The following VEPH1 variants were observed in gnomAD, a reference collection of about 807,000 sequenced individuals.
VEPH1 encodes ventricular zone-expressed PH domain-containing protein homolog 1.
Under a neutral mutation model 85.2 loss-of-function variants are expected in VEPH1, and 80 were observed. That is an observed-to-expected ratio of 0.94 (90% CI 0.78 to 1.13). The LOEUF (loss-of-function observed/expected upper bound fraction) is 1.13, where lower values mean the gene tolerates loss of function less well. VEPH1 is among the 50% of genes most tolerant of loss of function. The probability of loss-of-function intolerance (pLI) is 0.00; values close to 1 mark genes in which losing one functional copy is unlikely to be tolerated. For synonymous variants in VEPH1, 297 were observed against 348.0 expected (o/e 0.85, Z 1.63); for missense variants, 955 against 980.5 (o/e 0.97, Z 0.35).
At chr3:157,349,669 A>G (rs1006376993) in intron 9 of VEPH1, among the ~76,000 whole-genome samples, 3 of 152,206 alleles carry the variant, frequency 2.0e-5, no homozygotes, top group African/African-American at 7.2e-5. Context: ...GAATTAATAA[A>G]TGAACTCAGT....
At chr3:157,428,515 A>T (rs367603206) in intron 4 of VEPH1, 27 bp from the exon 5 acceptor site, 1 of 1,604,466 alleles carries the variant, frequency 6.2e-7, no homozygotes, top group Non-Finnish European at 8.5e-7. Flanking sequence ...AAAGGGAATG[A>T]TGACTTTATC....
At chr3:157,282,314 T>G (rs968525489) in intron 12 of VEPH1, among the ~76,000 whole-genome samples, 1 of 151,194 alleles carries the variant, frequency 6.6e-6, no homozygotes, top group South Asian at 2.1e-4. Context: ...TAAGCAATCT[T>G]CCCGCCACTC....
At chr3:157,485,310 G>C (rs528427819) in intron 2 of VEPH1, among the ~76,000 whole-genome samples, 30 of 152,240 alleles carry the variant, frequency 2.0e-4, no homozygotes, top group African/African-American at 6.3e-4. Context: ...AATATGACAA[G>C]TTCCTGCACA....
chr3:157,281,087 CGT>C (rs141433345), intron 12 of VEPH1, among the ~76,000 whole-genome samples: 3 of 148,682 alleles, frequency 2.0e-5, no homozygotes, highest in African/African-American at 2.5e-5. Context: ...CATATGTGTG[CGT>C]GTGTGTGTGT....
intron 2 of VEPH1, among the ~76,000 whole-genome samples, chr3:157,474,268 A>T (rs1737236444): frequency 6.6e-6 from 1 of 152,094 alleles, no homozygotes; most frequent in South Asian, 2.1e-4. Context: ...ATGTAATTTA[A>T]CATAAAGATA....
At chr3:157,400,339 C>A (rs941189088) in intron 6 of VEPH1, among the ~76,000 whole-genome samples, 1 of 151,980 alleles carries the variant, frequency 6.6e-6, no homozygotes, top group Non-Finnish European at 1.5e-5. Context: ...GCATTTGGCA[C>A]AGAATGCTAA....
At chr3:157,394,884 C>T (rs1228010707) in intron 6 of VEPH1, among the ~76,000 whole-genome samples, 1 of 152,066 alleles carries the variant, frequency 6.6e-6, no homozygotes, top group Non-Finnish European at 1.5e-5. Context: ...ACCTATGAAT[C>T]CTACCTATGG....
At chr3:157,474,657 T>A (rs1737281545) in intron 2 of VEPH1, among the ~76,000 whole-genome samples, 1 of 152,204 alleles carries the variant, frequency 6.6e-6, no homozygotes. Flanking sequence ...TGGAGCTACA[T>A]GTAGACTTCA....
chr3:157,322,300 A>T (rs778455407), intron 9 of VEPH1, among the ~76,000 whole-genome samples: 1 of 152,120 alleles, frequency 6.6e-6, no homozygotes, highest in African/African-American at 2.4e-5. Context: ...TCATTTCTTT[A>T]TTAAAGCTGA....
At position 157,486,332 on chromosome 3, in the gene VEPH1, C is replaced by A. The variant is rs550900191; in HGVS notation, c.138+8880G>T. ...CCAACATGGTGAAACCCCGTCTATACTGAAAATACAAAAATTAGTCAGGTG... is the reference window on the plus strand; with the variant it reads ...CCAACATGGTGAAACCCCGTCTATAATGAAAATACAAAAATTAGTCAGGTG... On this transcript the variant is annotated intron_variant, in intron 2 of 13. Coordinates refer to ENST00000362010, the MANE Select transcript of VEPH1 (RefSeq NM_001167912.2). 3.9e-5 allele frequency among the ~76,000 whole-genome samples: 6 copies of A among 152,032 alleles called. No individual in the cohort carries two copies. The South Asian group carries it at 1.2e-3, about 32-fold the overall frequency.
rs1712761784 is a variant in VEPH1, at chr3:157,260,695, T to A, written c.*439A>T. On this transcript the variant is annotated 3_prime_UTR_variant, in exon 14 of 14. Coordinates refer to ENST00000362010, the MANE Select transcript of VEPH1 (RefSeq NM_001167912.2). ...TTAGTTCAACGTTTCTAAAGGTTTT[T>A]TTTTTTAAAGTTTTCTTTTAATACC... 6.5e-6 allele frequency: 1 copy of A among 154,408 alleles called. No individual in the cohort carries two copies. Among genetic ancestry groups the A allele is most frequent in the Admixed American group, 6.5e-5 (1 of 15,488 alleles). 9.6% of individuals were successfully genotyped at this position (154,408 alleles called of 1,614,324 possible).
Position 157,260,701 on chromosome 3 carries a change from TA to T in VEPH1, c.*432del, listed in dbSNP as rs1379949569. ...CAACGTTTCTAAAGGTTTTTTTTTT[TA>T]AAGTTTTCTTTTAATACCTTTGACA... On this transcript the variant is annotated 3_prime_UTR_variant, in exon 14 of 14. Transcript: ENST00000362010. The T allele has an allele frequency of 6.5e-6, 1 of 153,668 alleles. No homozygotes were observed. The highest frequency in any genetic ancestry group is 6.5e-5 in the Admixed American group (1 of 15,434). 9.5% of individuals were successfully genotyped at this position (153,668 alleles called of 1,614,324 possible).
At chr3:157,300,471 G>A (rs1339303547) in intron 11 of VEPH1, among the ~76,000 whole-genome samples, 2 of 152,108 alleles carry the variant, frequency 1.3e-5, no homozygotes, top group Non-Finnish European at 1.5e-5. Flanking sequence ...TATAATACAT[G>A]TGATAAACCA....
At chr3:157,344,913 C>T (rs1724029410) in intron 9 of VEPH1, among the ~76,000 whole-genome samples, 1 of 147,542 alleles carries the variant, frequency 6.8e-6, no homozygotes, top group African/African-American at 2.4e-5. Flanking sequence ...CTGACAAAAA[C>T]CAGAAATGGG....
At chr3:157,333,039 A>C (rs1244810625) in intron 9 of VEPH1, among the ~76,000 whole-genome samples, 1 of 152,094 alleles carries the variant, frequency 6.6e-6, no homozygotes, top group African/African-American at 2.4e-5. Flanking sequence ...GAAAAGTGTT[A>C]TTGTGGCAAT....
intron 2 of VEPH1, among the ~76,000 whole-genome samples, chr3:157,492,684 T>C (rs550552269): frequency 3.3e-4 from 50 of 152,322 alleles, no homozygotes; most frequent in South Asian, 1.0e-3. Context: ...TAAGATTTCA[T>C]CTGGCTAAGC....
chr3:157,469,139 A>G (rs868764649), intron 3 of VEPH1, among the ~76,000 whole-genome samples: 3 of 152,198 alleles, frequency 2.0e-5, no homozygotes, highest in Non-Finnish European at 4.4e-5. Context: ...TTGGTGTTCC[A>G]TCAAGCACTA....
intron 2 of VEPH1, among the ~76,000 whole-genome samples, chr3:157,486,769 T>C (rs1045852368): frequency 6.6e-6 from 1 of 152,140 alleles, no homozygotes; most frequent in African/African-American, 2.4e-5. Flanking sequence ...TTACACAGAT[T>C]AGCCATAAAC....
intron 2 of VEPH1, among the ~76,000 whole-genome samples, chr3:157,491,453 T>C (rs1739204219): frequency 6.6e-6 from 1 of 152,132 alleles, no homozygotes. Flanking sequence ...AACTTAAAGG[T>C]ATGTTTGGGA....
Sources: gnomAD v4.1 joint callset for allele counts (sites outside exome capture counted in the v4.1 genomes callset) on GRCh38, gnomAD v4.1.1 for gene constraint, MANE v1.5 for transcripts, NCBI Gene and HGNC (gene_info 2026-07-23, HGNC 2026-07-21) for gene names.